SLC44A1: variants seen among roughly 807,000 people sequenced by gnomAD.
SLC44A1 encodes solute carrier family 44 member 1.
In SLC44A1, 26 loss-of-function variants were observed where a neutral mutation model predicts 79.3. The ratio of observed to expected loss-of-function variants is 0.33; its 90% CI spans 0.24 to 0.46. The LOEUF is 0.46. Among genes scored for constraint, SLC44A1 ranks in the 20% least tolerant of loss-of-function variants. SLC44A1 has a pLI of 1.00. For missense variants in SLC44A1, 688 were observed against 798.1 expected (o/e 0.86, Z 1.66); for synonymous variants, 263 against 286.2 (o/e 0.92, Z 0.82).
At chr9:105,315,112 A>G (rs1831284869) in intron 3 of SLC44A1, among the ~76,000 whole-genome samples, 1 of 152,104 alleles carries the variant, frequency 6.6e-6, no homozygotes, top group Non-Finnish European at 1.5e-5. Context: ...TTTTAGGGGA[A>G]CTTGACGAGT....
At chr9:105,435,517 TATC>T (rs1829452736) in intron 15 of SLC44A1, among the ~76,000 whole-genome samples, 1 of 152,178 alleles carries the variant, frequency 6.6e-6, no homozygotes, top group Admixed American at 6.5e-5. Context: ...CAAGGCACGA[TATC>T]ACAAGGTCGA....
chr9:105,327,275 C>T (rs183971456), intron 3 of SLC44A1, among the ~76,000 whole-genome samples: 14 of 152,166 alleles, frequency 9.2e-5, no homozygotes, highest in Non-Finnish European at 1.6e-4. Flanking sequence ...AAGATGAACT[C>T]CAGACTTTCT....
chr9:105,301,612 A>G (rs1830882284), intron 2 of SLC44A1, among the ~76,000 whole-genome samples: 1 of 152,222 alleles, frequency 6.6e-6, no homozygotes, highest in Non-Finnish European at 1.5e-5. Context: ...TAAACATTTA[A>G]CAAACATTTG....
intron 12 of SLC44A1, among the ~76,000 whole-genome samples, chr9:105,371,577 A>G (rs1318188095): frequency 5.9e-5 from 9 of 152,132 alleles, no homozygotes; most frequent in Middle Eastern, 3.4e-3. Context: ...TAAAAATACA[A>G]AAAATTAGCC....
chr9:105,354,519 G>A (rs1272602895), intron 5 of SLC44A1, among the ~76,000 whole-genome samples: 6 of 152,076 alleles, frequency 3.9e-5, no homozygotes, highest in African/African-American at 1.2e-4. Flanking sequence ...GGCTTCCTGC[G>A]CTTTCTGATA....
At chr9:105,329,637 A>G (rs948127477) in intron 3 of SLC44A1, among the ~76,000 whole-genome samples, 1 of 152,086 alleles carries the variant, frequency 6.6e-6, no homozygotes, top group African/African-American at 2.4e-5. Flanking sequence ...GAAGAGCTGT[A>G]AGATCTTCCA....
Position 105,393,561 on chromosome 9 carries a change from A to C in SLC44A1, c.*4505A>C. 4.3e-6 allele frequency: 4 copies of C among 924,694 alleles called. No homozygotes were observed. The highest frequency in any genetic ancestry group is 3.9e-6 in the Non-Finnish European group (3 of 774,698). 57.3% of individuals were successfully genotyped at this position (924,694 alleles called of 1,614,324 possible). A position where few individuals can be genotyped will look rare whatever the true frequency, so the allele number is the denominator to read the frequency against. On this transcript the variant is annotated 3_prime_UTR_variant, in exon 16 of 16. Coordinates refer to ENST00000374720, the MANE Select transcript of SLC44A1 (RefSeq NM_080546.5). ...CTTTGAAAATATCTTTCTTATAGAAAACTTTAATGCAGTTTTTAAACTTAC... is the reference window on the plus strand; with the variant it reads ...CTTTGAAAATATCTTTCTTATAGAACACTTTAATGCAGTTTTTAAACTTAC...
intron 1 of SLC44A1, among the ~76,000 whole-genome samples, chr9:105,251,241 G>A (rs935843359): frequency 6.6e-6 from 1 of 152,086 alleles, no homozygotes; most frequent in Non-Finnish European, 1.5e-5. Context: ...CTGGTTCACC[G>A]AATGATACCA....
intron 1 of SLC44A1, among the ~76,000 whole-genome samples, chr9:105,288,874 G>A (rs1383498273): frequency 6.6e-6 from 1 of 152,190 alleles, no homozygotes; most frequent in African/African-American, 2.4e-5. Context: ...TTACCCCAAT[G>A]GGTGTATGAC....
At chr9:105,251,092 G>A (rs1400578495) in intron 1 of SLC44A1, among the ~76,000 whole-genome samples, 1 of 152,216 alleles carries the variant, frequency 6.6e-6, no homozygotes, top group South Asian at 2.1e-4. Context: ...CTAAATTACT[G>A]TCCTGGTCGC....
chr9:105,431,983 C>T (rs775113142), intron 15 of SLC44A1, among the ~76,000 whole-genome samples: 26 of 152,172 alleles, frequency 1.7e-4, no homozygotes, highest in South Asian at 4.1e-4. Context: ...AGTGCAGTGG[C>T]GCAATCTTGG....
At chr9:105,320,979 G>A (rs1170174132) in intron 3 of SLC44A1, among the ~76,000 whole-genome samples, 1 of 152,116 alleles carries the variant, frequency 6.6e-6, no homozygotes, top group Non-Finnish European at 1.5e-5. Context: ...ACCTTTGTTA[G>A]GTAAGTGTTT....
At chr9:105,419,748 C>T (rs1426855245) in intron 15 of SLC44A1, among the ~76,000 whole-genome samples, 2 of 151,826 alleles carry the variant, frequency 1.3e-5, no homozygotes, top group African/African-American at 2.4e-5. Context: ...AACCTCATCT[C>T]TACTAAAAAT....
chr9:105,278,292 A>T (rs923401792), intron 1 of SLC44A1, among the ~76,000 whole-genome samples: 6 of 152,074 alleles, frequency 3.9e-5, no homozygotes, highest in Middle Eastern at 3.4e-3. Flanking sequence ...TCTGTCACCC[A>T]GACTGGAGTG....
intron 1 of SLC44A1, among the ~76,000 whole-genome samples, chr9:105,289,061 T>C (rs1830541787): frequency 6.6e-6 from 1 of 152,210 alleles, no homozygotes; most frequent in Non-Finnish European, 1.5e-5. Context: ...GGAAAAGGAA[T>C]CTGCTTATGA....
intron 3 of SLC44A1, among the ~76,000 whole-genome samples, chr9:105,321,260 C>A (rs1826384858): frequency 6.6e-6 from 1 of 151,992 alleles, no homozygotes; most frequent in Non-Finnish European, 1.5e-5. Context: ...AAGAAAAGGT[C>A]AAGGTTTATC....
intron 1 of SLC44A1, among the ~76,000 whole-genome samples, chr9:105,278,831 C>G (rs546736260): frequency 6.6e-6 from 1 of 152,234 alleles, no homozygotes; most frequent in Non-Finnish European, 1.5e-5. Flanking sequence ...CCTTTAAGGT[C>G]ATCTTATATT....
Position 105,364,566 on chromosome 9 carries a change from C to G in SLC44A1, c.1099C>G (p.Gln367Glu). The G allele has an allele frequency of 6.2e-7, 1 of 1,612,628 alleles. No homozygotes were observed. The highest frequency in any genetic ancestry group is 8.5e-7 in the Non-Finnish European group (1 of 1,179,506). ...TGATATTTTCCTAGGCAGTCCTGTTCAGAATGAGCAAGGCTTTGTGGAGTT... is the reference window on the plus strand; with the variant it reads ...TGATATTTTCCTAGGCAGTCCTGTTGAGAATGAGCAAGGCTTTGTGGAGTT... Reference protein sequence around the residue: ...LFLGTTGSPVQNEQGFVEFKI... With the variant: ...LFLGTTGSPVENEQGFVEFKI... The change falls in exon 10 of 16, where the codon CAG becomes GAG. Residue 367 changes from glutamine (Q) to glutamate (E), a missense_variant. Physicochemically the swap from Gln to Glu is conservative, Grantham distance 29. Coordinates refer to ENST00000374720, the MANE Select transcript of SLC44A1 (RefSeq NM_080546.5).
rs2771040 is a variant in SLC44A1 at position 105,389,918 on chromosome 9, G to A, written c.*862G>A. The A allele has an allele frequency of 0.86, 1,308,191 of 1,514,552 alleles. 569,619 individuals carry two copies. Among genetic ancestry groups the A allele is most frequent in the East Asian group, 1 (38,558 of 38,584 alleles). The allele number at this position is 1,514,552 out of a possible 1,614,324, so 93.8% of individuals were successfully genotyped here. A position where few individuals can be genotyped will look rare whatever the true frequency, so the allele number is the denominator to read the frequency against. ...TTGATTTGCAGATTAAGTAATGCTG[G>A]GAGGAATAAAGAAGGGACAGAAACA... is the stretch of plus-strand genomic sequence containing the variant. On this transcript the variant is annotated 3_prime_UTR_variant, in exon 16 of 16. Transcript: ENST00000374720.
Sources: gnomAD v4.1 joint callset for allele counts (sites outside exome capture counted in the v4.1 genomes callset) on GRCh38, gnomAD v4.1.1 for gene constraint, MANE v1.5 for transcripts, NCBI Gene and HGNC (gene_info 2026-07-23, HGNC 2026-07-21) for gene names.